IDO2: variants seen among roughly 807,000 people sequenced by gnomAD.
IDO2 encodes indoleamine 2,3-dioxygenase 2, also known as indoleamine 2,3-dioxygenase-like 1 protein.
A neutral mutation model predicts 45.1 loss-of-function variants in IDO2; 46 were observed. The ratio of observed to expected loss-of-function variants is 1.02; its 90% CI spans 0.80 to 1.30. The LOEUF is 1.30. Among genes scored for constraint, IDO2 ranks in the 50% most tolerant of loss-of-function variants. The pLI is 0.00. For synonymous variants in IDO2, 218 were observed against 184.9 expected (o/e 1.18, Z -1.45); for missense variants, 544 against 491.8 (o/e 1.11, Z -1.00).
chr8:39,947,849 G>A (rs193210603), intron 1 of IDO2, among the ~76,000 whole-genome samples: 46 of 148,270 alleles, frequency 3.1e-4, no homozygotes, highest in Non-Finnish European at 5.8e-4. Flanking sequence ...GTGCAATGGC[G>A]CGATCTCGGC....
At chr8:40,013,432 AC>A in intron 9 of IDO2, 132 bp from the exon 10 acceptor site, 1 of 819,922 alleles carries the variant, frequency 1.2e-6, no homozygotes, top group Non-Finnish European at 2.0e-6. Flanking sequence ...CTACAAAGAT[AC>A]CCCCAATCCC....
At chr8:39,994,317 G>T (rs1254726630) in intron 8 of IDO2, among the ~76,000 whole-genome samples, 1 of 151,162 alleles carries the variant, frequency 6.6e-6, no homozygotes, top group East Asian at 2.0e-4. Flanking sequence ...GGGTGCGATG[G>T]CGCCATCTCG....
At chr8:39,937,169 G>A (rs939014123) in intron 1 of IDO2, among the ~76,000 whole-genome samples, 7 of 152,162 alleles carry the variant, frequency 4.6e-5, no homozygotes, top group African/African-American at 1.7e-4. Flanking sequence ...GAAAAATGTC[G>A]TTTGAGTGAC....
chr8:39,994,960 T>C (rs1416897303), intron 8 of IDO2, among the ~76,000 whole-genome samples: 1 of 152,104 alleles, frequency 6.6e-6, no homozygotes, highest in African/African-American at 2.4e-5. Flanking sequence ...AAGAGCACAC[T>C]ACTAGTTGAC....
At chr8:39,974,214 A>G (rs1248289957) in intron 3 of IDO2, among the ~76,000 whole-genome samples, 1 of 152,198 alleles carries the variant, frequency 6.6e-6, no homozygotes, top group African/African-American at 2.4e-5. Context: ...GGAACCAAAA[A>G]CTTAATAGAG....
At chr8:39,985,595 C>G in intron 6 of IDO2, 73 bp downstream of exon 6, 1 of 1,244,496 alleles carries the variant, frequency 8.0e-7, no homozygotes, top group Non-Finnish European at 1.1e-6. Context: ...AAACAAAGAA[C>G]AAAGCATGCT....
intron 3 of IDO2, among the ~76,000 whole-genome samples, chr8:39,975,017 G>C (rs1808237232): frequency 6.6e-6 from 1 of 152,008 alleles, no homozygotes; most frequent in Admixed American, 6.6e-5. Context: ...GCTGAGGCAG[G>C]AGAATCACTT....
chr8:39,987,924 T>C, exon 7 of IDO2: 1 of 1,612,038 alleles, frequency 6.2e-7, no homozygotes, highest in Non-Finnish European at 8.5e-7. Flanking sequence ...CATGGTTTTA[T>C]ACTGGTGACT....
chr8:39,947,160 A>G (rs1418403640), intron 1 of IDO2, among the ~76,000 whole-genome samples: 2 of 115,244 alleles, frequency 1.7e-5, no homozygotes, highest in African/African-American at 6.7e-5. Flanking sequence ...CTAGGACTAG[A>G]GCTAAGGTAT....
intron 8 of IDO2, among the ~76,000 whole-genome samples, chr8:40,002,807 ATATC>A (rs1294644266): frequency 3.3e-5 from 5 of 152,056 alleles, no homozygotes; most frequent in South Asian, 4.1e-4. Context: ...ATAAAATAAA[ATATC>A]TATGTTGGAA....
intron 8 of IDO2, chr8:39,995,191 T>TTCTCCTTCTC (rs1563438174): frequency 3.2e-4 from 26 of 80,964 alleles, no homozygotes; most frequent in East Asian, 6.0e-4. Flanking sequence ...TTCTTCTTCT[T>TTCTCCTTCTC]CTTCTTCTTC....
chr8:40,014,947 A>C (rs1237446660), intron 10 of IDO2, among the ~76,000 whole-genome samples: 5 of 152,118 alleles, frequency 3.3e-5, no homozygotes, highest in Non-Finnish European at 7.4e-5. Context: ...CCAGGAGTTC[A>C]AGACAAGCCT....
At chr8:39,988,542 C>T (rs1315422562) in intron 7 of IDO2, among the ~76,000 whole-genome samples, 1 of 152,122 alleles carries the variant, frequency 6.6e-6, no homozygotes, top group Non-Finnish European at 1.5e-5. Context: ...AGCAATTCTC[C>T]TCCCTCAGCC....
intron 2 of IDO2, among the ~76,000 whole-genome samples, chr8:39,951,845 T>C (rs1807818898): frequency 6.6e-6 from 1 of 152,210 alleles, no homozygotes; most frequent in Non-Finnish European, 1.5e-5. Context: ...GATCCACAGT[T>C]GTAGAATTCC....
At chr8:39,978,851 C>T (rs1808299591) in intron 3 of IDO2, among the ~76,000 whole-genome samples, 1 of 152,076 alleles carries the variant, frequency 6.6e-6, no homozygotes, top group African/African-American at 2.4e-5. Context: ...CGGTTAGGTT[C>T]TTCCTGAGCA....
chr8:39,947,945 G>A (rs541284112), intron 1 of IDO2, among the ~76,000 whole-genome samples: 20 of 152,096 alleles, frequency 1.3e-4, no homozygotes, highest in Admixed American at 7.9e-4. Context: ...GCGCCACCAC[G>A]CTCGGCTAAT....
At chr8:39,963,687 A>G in exon 3 of IDO2, 1 of 1,607,656 alleles carries the variant, frequency 6.2e-7, no homozygotes, top group Non-Finnish European at 8.5e-7. Flanking sequence ...CACCAGCTTC[A>G]AGCTCATGTG....
At chr8:39,973,631 G>A (rs1423001920) in intron 3 of IDO2, among the ~76,000 whole-genome samples, 1 of 152,060 alleles carries the variant, frequency 6.6e-6, no homozygotes, top group Non-Finnish European at 1.5e-5. Flanking sequence ...TTGTGACCAA[G>A]TTGTGTTAAA....
At chr8:39,977,335 T>G (rs1808273661) in intron 3 of IDO2, among the ~76,000 whole-genome samples, 4 of 152,242 alleles carry the variant, frequency 2.6e-5, no homozygotes, top group African/African-American at 9.6e-5. Flanking sequence ...TCAATAAATT[T>G]AAAATGTACT....
Sources: allele counts gnomAD v4.1 joint callset (sites outside exome capture counted in the v4.1 genomes callset), GRCh38; gene constraint gnomAD v4.1.1; transcripts MANE v1.5; gene names NCBI Gene and HGNC (gene_info 2026-07-23, HGNC 2026-07-21).